The following CNBD1 variants were observed in gnomAD, a reference collection of about 807,000 sequenced individuals.
CNBD1 encodes cyclic nucleotide binding domain containing 1, also known as cyclic nucleotide-binding domain-containing protein 1.
In CNBD1, 71 loss-of-function variants were observed where a neutral mutation model predicts 54.4. The ratio of observed to expected loss-of-function variants is 1.30; its 90% CI spans 1.08 to 1.59. CNBD1 has a LOEUF of 1.59. CNBD1 is among the 40% of genes most tolerant of loss of function. The pLI is 0.00. For missense variants in CNBD1, 659 were observed against 518.0 expected (o/e 1.27, Z -2.64); for synonymous variants, 182 against 170.7 (o/e 1.07, Z -0.51).
chr8:86,968,476 T>A (rs1438370019), intron 4 of CNBD1, among the ~76,000 whole-genome samples: 1 of 152,176 alleles, frequency 6.6e-6, no homozygotes, highest in African/African-American at 2.4e-5. Context: ...TTTTACTTTG[T>A]AAATCAAAGA....
chr8:87,333,174 G>C (rs1325599531), intron 8 of CNBD1, among the ~76,000 whole-genome samples: 1 of 152,068 alleles, frequency 6.6e-6, no homozygotes, highest in African/African-American at 2.4e-5. Flanking sequence ...CTCTCTGCTT[G>C]TTGATTGTTG....
chr8:87,010,566 G>A (rs1279975445), intron 4 of CNBD1, among the ~76,000 whole-genome samples: 1 of 152,076 alleles, frequency 6.6e-6, no homozygotes, highest in African/African-American at 2.4e-5. Context: ...TTGCCAACAT[G>A]GTGAAACCCT....
chr8:87,070,711 G>C (rs181682174), intron 4 of CNBD1, among the ~76,000 whole-genome samples: 44 of 152,136 alleles, frequency 2.9e-4, no homozygotes, highest in African/African-American at 1.1e-3. Context: ...ATTAGATTGG[G>C]AGGGGTGATT....
intron 3 of CNBD1, among the ~76,000 whole-genome samples, chr8:86,930,605 C>A (rs372589176): frequency 5.9e-5 from 9 of 152,250 alleles, no homozygotes; most frequent in African/African-American, 1.9e-4. Context: ...AGAAGGCATC[C>A]TTGAGGTCCA....
At chr8:87,141,707 C>T (rs778015507) in intron 4 of CNBD1, among the ~76,000 whole-genome samples, 13 of 151,744 alleles carry the variant, frequency 8.6e-5, no homozygotes, top group Non-Finnish European at 7.4e-5. Flanking sequence ...GAGCAGCAGA[C>T]GTATTATTAA....
chr8:87,198,377 A>G (rs1444422456), intron 4 of CNBD1, among the ~76,000 whole-genome samples: 1 of 152,208 alleles, frequency 6.6e-6, no homozygotes, highest in Non-Finnish European at 1.5e-5. Context: ...GGAAGGAGAG[A>G]AAAGCTTATT....
rs543205672 is a variant in CNBD1 at position 87,271,321 on chromosome 8, C to T, written c.772-13357C>T. On this transcript the variant is annotated intron_variant, in intron 6 of 10. Transcript: ENST00000518476. ...CCTTTCTTGCTTGCTTTTCTAGTTC[C>T]TCCATGTGCATCATTATGTTCTTTA... 4.0e-5 allele frequency among the ~76,000 whole-genome samples: 6 copies of T among 151,506 alleles called. No individual in the cohort carries two copies. The South Asian group carries it at 1.3e-3, about 32-fold the overall frequency.
At chr8:87,392,787 C>T (rs1041143085) in intron 2 of CNBD1, among the ~76,000 whole-genome samples, 2 of 151,792 alleles carry the variant, frequency 1.3e-5, no homozygotes, top group African/African-American at 2.4e-5. Context: ...TGTTCACTTC[C>T]AAATGGGTAA....
chr8:87,077,261 C>G (rs1371056092), intron 4 of CNBD1, among the ~76,000 whole-genome samples: 1 of 152,052 alleles, frequency 6.6e-6, no homozygotes. Context: ...TCTCACTGTT[C>G]TGGAGATTTA....
intron 4 of CNBD1, among the ~76,000 whole-genome samples, chr8:87,145,697 T>C (rs1168557071): frequency 6.6e-6 from 1 of 152,194 alleles, no homozygotes; most frequent in East Asian, 1.9e-4. Flanking sequence ...CCTTCTTGAC[T>C]TTAAATGTGT....
intron 10 of CNBD1, among the ~76,000 whole-genome samples, chr8:87,357,664 T>C (rs2130933501): frequency 6.6e-6 from 1 of 152,324 alleles, no homozygotes; most frequent in East Asian, 1.9e-4. Context: ...GAATGTGTCT[T>C]GAGTCTCAGA....
At chr8:87,225,320 C>A (rs1814456329) in intron 5 of CNBD1, among the ~76,000 whole-genome samples, 1 of 150,684 alleles carries the variant, frequency 6.6e-6, no homozygotes. Flanking sequence ...CTGTCTTGTG[C>A]CAGTTTTCAA....
chr8:87,332,390 C>T (rs1809854949), intron 8 of CNBD1, among the ~76,000 whole-genome samples: 1 of 151,242 alleles, frequency 6.6e-6, no homozygotes, highest in African/African-American at 2.4e-5. Context: ...TTAATTAGGT[C>T]CCATTTGTCA....
intron 4 of CNBD1, among the ~76,000 whole-genome samples, chr8:87,078,144 A>T (rs971503254): frequency 6.6e-5 from 10 of 152,178 alleles, no homozygotes; most frequent in Admixed American, 2.0e-4. Context: ...TCAGGATATA[A>T]TATTTTAAAA....
chr8:87,426,037 C>T (rs1442801857), intron 2 of CNBD1, among the ~76,000 whole-genome samples: 4 of 152,180 alleles, frequency 2.6e-5, no homozygotes, highest in Non-Finnish European at 4.4e-5. Context: ...GTTTTTTAAG[C>T]CCGTCGGAAA....
chr8:87,000,243 G>T (rs1000626297), intron 4 of CNBD1, among the ~76,000 whole-genome samples: 3 of 151,988 alleles, frequency 2.0e-5, no homozygotes, highest in East Asian at 1.9e-4. Context: ...AGATCTGATG[G>T]TTTTTTAAGG....
At position 87,157,850 on chromosome 8, in the gene CNBD1, T is replaced by C. The variant is rs1283577460; in HGVS notation, c.432-48143T>C. Among the ~76,000 whole-genome samples, 8 of 152,326 alleles carry C rather than the reference T, an allele frequency of 5.3e-5. No individual in the cohort carries two copies. In the East Asian group the frequency reaches 1.5e-3, roughly 29 times the overall value. On this transcript the variant is annotated intron_variant, in intron 4 of 10. Coordinates refer to ENST00000518476, the MANE Select transcript of CNBD1 (RefSeq NM_173538.3). ...AATGCAAAAGAATGTTTGGCATGGATAAATAGCTGTGATTTCTCTCTCTGA... is the reference window on the plus strand; with the variant it reads ...AATGCAAAAGAATGTTTGGCATGGACAAATAGCTGTGATTTCTCTCTCTGA...
At chr8:87,342,013 C>T (rs994567917) in intron 8 of CNBD1, among the ~76,000 whole-genome samples, 2 of 152,198 alleles carry the variant, frequency 1.3e-5, no homozygotes, top group African/African-American at 4.8e-5. Flanking sequence ...GTGGCTCACG[C>T]CTGTAATCCT....
chr8:87,304,752 G>A (rs1305759897), intron 8 of CNBD1, among the ~76,000 whole-genome samples: 1 of 151,942 alleles, frequency 6.6e-6, no homozygotes, highest in East Asian at 1.9e-4. Context: ...GGCAAACAAG[G>A]GACATATCTT....
Sources: allele counts gnomAD v4.1 joint callset (sites outside exome capture counted in the v4.1 genomes callset), GRCh38; gene constraint gnomAD v4.1.1; transcripts MANE v1.5; gene names NCBI Gene and HGNC (gene_info 2026-07-23, HGNC 2026-07-21).